The following NOS1 variants were observed in gnomAD, a reference collection of about 807,000 sequenced individuals.
The protein encoded by NOS1 is nitric oxide synthase 1, also known as NOS type I.
In NOS1, 51 loss-of-function variants were observed where a neutral mutation model predicts 164.5. The ratio of observed to expected loss-of-function variants is 0.31; its 90% confidence interval spans 0.25 to 0.39. NOS1 has a LOEUF of 0.39. NOS1 is among the 10% of genes least tolerant of loss of function. NOS1 has a pLI of 1.00. For synonymous variants in NOS1, 719 were observed against 745.8 expected, an observed-to-expected ratio of 0.96 and a Z score of 0.59; for missense variants, 1,362 against 1,885.6, an observed-to-expected ratio of 0.72 and a Z score of 5.14.
At chr12:117,245,224 G>A (rs2135957532) in intron 18 of NOS1, among the ~76,000 whole-genome samples, 1 of 152,278 alleles carries the variant, frequency 6.6e-6, no homozygotes, top group Non-Finnish European at 1.5e-5. Flanking sequence ...GGTTGCTGAG[G>A]AGAATGTATT....
At chr12:117,216,932 T>C (rs1200536676) in intron 28 of NOS1, among the ~76,000 whole-genome samples, 4 of 152,074 alleles carry the variant, frequency 2.6e-5, no homozygotes, top group East Asian at 1.9e-4. Flanking sequence ...CCTTGTGTTG[T>C]TGAAAAAAGA....
intron 1 of NOS1, among the ~76,000 whole-genome samples, chr12:117,352,176 AATACATAC>A (rs71444621): frequency 4.2e-4 from 63 of 149,224 alleles, no homozygotes; most frequent in African/African-American, 6.2e-4. Flanking sequence ...CTGTCTCAGA[AATACATAC>A]ATACATACAT....
chr12:117,261,663 A>C (rs1210683577), intron 13 of NOS1, among the ~76,000 whole-genome samples: 1 of 152,126 alleles, frequency 6.6e-6, no homozygotes, highest in Non-Finnish European at 1.5e-5. Context: ...CTATCAAAAG[A>C]AGTTATGGGA....
At chr12:117,253,604 C>G in intron 17 of NOS1, 34 bp downstream of exon 17, 1 of 1,483,416 alleles carries the variant, frequency 6.7e-7, no homozygotes, top group Non-Finnish European at 9.4e-7. Flanking sequence ...CCTTAGTCTT[C>G]CCTGACCCCC....
At chr12:117,244,042 A>C (rs1454061366) in intron 18 of NOS1, among the ~76,000 whole-genome samples, 2 of 152,264 alleles carry the variant, frequency 1.3e-5, no homozygotes, top group African/African-American at 4.8e-5. Flanking sequence ...ATTTATTCCT[A>C]AAACTGATGT....
intron 1 of NOS1, among the ~76,000 whole-genome samples, chr12:117,354,006 A>C (rs2136096723): frequency 6.6e-6 from 1 of 152,336 alleles, no homozygotes; most frequent in South Asian, 2.1e-4. Context: ...TCTGCATTTC[A>C]TCCAAGGTCA....
At chr12:117,275,442 C>CA (rs933536589) in intron 9 of NOS1, among the ~76,000 whole-genome samples, 13 of 151,868 alleles carry the variant, frequency 8.6e-5, no homozygotes, top group Non-Finnish European at 1.8e-4. Flanking sequence ...GTAGAAGCTA[C>CA]AAAAAAAGTT....
At chr12:117,285,378 C>T (rs769312746) in intron 6 of NOS1, 46 bp from the exon 7 acceptor site, 2 of 1,281,960 alleles carry the variant, frequency 1.6e-6, no homozygotes, top group Admixed American at 1.8e-5. Context: ...CTTTCCCTCC[C>T]CAGCTCCCCC....
At chr12:117,232,825 C>A in intron 21 of NOS1, among the ~76,000 whole-genome samples, 1 of 152,104 alleles carries the variant, frequency 6.6e-6, no homozygotes, top group Non-Finnish European at 1.5e-5. Context: ...TCTATTTCAA[C>A]ACAGAGGAAG....
intron 8 of NOS1, among the ~76,000 whole-genome samples, chr12:117,279,310 A>G (rs547322312): frequency 1.3e-5 from 2 of 152,088 alleles, no homozygotes; most frequent in Admixed American, 1.3e-4. Context: ...TCAGAGTTGC[A>G]GTGAGCTGAG....
intron 25 of NOS1, among the ~76,000 whole-genome samples, chr12:117,223,860 G>C (rs1868410484): frequency 6.6e-6 from 1 of 152,124 alleles, no homozygotes; most frequent in Non-Finnish European, 1.5e-5. Flanking sequence ...CACCATGTTG[G>C]ACAGGCTGGT....
intron 2 of NOS1, among the ~76,000 whole-genome samples, chr12:117,319,356 T>C (rs1338447190): frequency 6.6e-5 from 10 of 152,218 alleles, no homozygotes; most frequent in Admixed American, 6.5e-4. Flanking sequence ...TGGCCAAAAG[T>C]ATGCTTTCAA....
intron 2 of NOS1, among the ~76,000 whole-genome samples, chr12:117,322,501 T>C (rs1875017270): frequency 9.4e-6 from 1 of 106,820 alleles, no homozygotes; most frequent in Admixed American, 9.0e-5. Flanking sequence ...TCTCTCCTTC[T>C]TCCCTCCCTC....
At chr12:117,282,325 G>C (rs4766842) in intron 7 of NOS1, among the ~76,000 whole-genome samples, 60,503 of 152,036 alleles carry the variant, frequency 0.4, 12,616 homozygotes, top group Admixed American at 0.51. Flanking sequence ...CCAGGCTATG[G>C]AAACATGGTC....
intron 22 of NOS1, among the ~76,000 whole-genome samples, chr12:117,227,882 A>G (rs1028092622): frequency 1.6e-4 from 25 of 152,032 alleles, no homozygotes; most frequent in African/African-American, 6.0e-4. Context: ...AAGAAAAATT[A>G]GCTGGATGTG....
chr12:117,357,216 G>A (rs907313327), intron 1 of NOS1, among the ~76,000 whole-genome samples: 4 of 152,088 alleles, frequency 2.6e-5, no homozygotes, highest in African/African-American at 7.2e-5. Flanking sequence ...CCAGCTACTC[G>A]GGAGGCTGAG....
intron 10 of NOS1, among the ~76,000 whole-genome samples, chr12:117,269,174 C>G (rs935458811): frequency 1.3e-5 from 2 of 152,054 alleles, no homozygotes; most frequent in Admixed American, 6.6e-5. Context: ...ACTGTGGAGA[C>G]AGCATGCAAG....
chr12:117,287,340 G>C (rs1030102082), intron 5 of NOS1, among the ~76,000 whole-genome samples: 1 of 133,516 alleles, frequency 7.5e-6, no homozygotes, highest in Non-Finnish European at 1.6e-5. Flanking sequence ...AACATGCAGA[G>C]CGCTAATCCC....
chr12:117,253,588 C>A (rs1871240904), intron 17 of NOS1, 50 bp downstream of exon 17: 1 of 1,297,442 alleles, frequency 7.7e-7, no homozygotes, highest in Non-Finnish European at 1.1e-6. Context: ...TCAAGCTCCC[C>A]AGGAGCCTTA....
Sources: gnomAD v4.1 joint callset for allele counts (sites outside exome capture counted in the v4.1 genomes callset) on GRCh38, gnomAD v4.1.1 for gene constraint, MANE v1.5 for transcripts, NCBI Gene and HGNC (gene_info 2026-07-23, HGNC 2026-07-21) for gene names.